Variants in MAGI2 observed in about 807,000 individuals in gnomAD.
MAGI2 encodes the protein membrane-associated guanylate kinase, WW and PDZ domain-containing protein 2.
A neutral mutation model predicts 133.3 loss-of-function variants in MAGI2; 35 were observed. The ratio of observed to expected loss-of-function variants is 0.26; its 90% confidence interval spans 0.20 to 0.35. MAGI2 has a LOEUF of 0.35. MAGI2 is among the 10% of genes least tolerant of loss of function. The pLI, the probability that MAGI2 is intolerant of heterozygous loss-of-function variation, is 1.00. For missense variants in MAGI2, 1,636 were observed against 1,863.4 expected (o/e 0.88, Z 2.25); for synonymous variants, 729 against 710.6 (o/e 1.03, Z -0.41).
intron 1 of MAGI2, among the ~76,000 whole-genome samples, chr7:79,271,092 A>G (rs531089516): frequency 2.7e-4 from 41 of 152,098 alleles, no homozygotes; most frequent in African/African-American, 9.9e-4. Context: ...TTAAAATGCT[A>G]TACAGTCTCA....
chr7:79,066,961 G>A (rs980107030), intron 1 of MAGI2, among the ~76,000 whole-genome samples: 1 of 151,990 alleles, frequency 6.6e-6, no homozygotes, highest in Admixed American at 6.6e-5. Flanking sequence ...CTGTTCCATT[G>A]GTCTATATAT....
chr7:78,067,695 T>G (rs1366363822), intron 21 of MAGI2, among the ~76,000 whole-genome samples: 1 of 152,234 alleles, frequency 6.6e-6, no homozygotes, highest in Non-Finnish European at 1.5e-5. Flanking sequence ...GAGATTTTGT[T>G]GTAGTTAGAG....
At chr7:79,436,896 A>C (rs1176682667) in intron 1 of MAGI2, among the ~76,000 whole-genome samples, 1 of 152,162 alleles carries the variant, frequency 6.6e-6, no homozygotes, top group Non-Finnish European at 1.5e-5. Context: ...ACCTGAATGC[A>C]TATGTTCACT....
intron 3 of MAGI2, among the ~76,000 whole-genome samples, chr7:78,569,714 T>C (rs996624868): frequency 6.6e-6 from 1 of 152,212 alleles, no homozygotes. Context: ...AGCATACAAT[T>C]TGACACATTT....
intron 1 of MAGI2, among the ~76,000 whole-genome samples, chr7:79,436,671 G>A (rs4730834): frequency 0.026 from 3,912 of 152,204 alleles, 117 homozygotes; most frequent in East Asian, 0.11. Flanking sequence ...AGAAAGAATG[G>A]TTACTATTAA....
intron 1 of MAGI2, among the ~76,000 whole-genome samples, chr7:79,216,660 G>C (rs1299115000): frequency 6.6e-6 from 1 of 152,022 alleles, no homozygotes; most frequent in Non-Finnish European, 1.5e-5. Context: ...CCAAACAGAT[G>C]AGCCACACCC....
intron 6 of MAGI2, among the ~76,000 whole-genome samples, chr7:78,460,728 G>T (rs1043366345): frequency 6.6e-6 from 1 of 152,186 alleles, no homozygotes; most frequent in African/African-American, 2.4e-5. Flanking sequence ...GTTAAATGGA[G>T]GTTGCTAGGT....
At chr7:78,044,709 G>GTGTGCA (rs1347019970) in intron 21 of MAGI2, among the ~76,000 whole-genome samples, 1 of 150,008 alleles carries the variant, frequency 6.7e-6, no homozygotes, top group Admixed American at 6.6e-5. Context: ...GTGTGTGCAC[G>GTGTGCA]TGTGCACACG....
At chr7:78,420,112 T>C (rs1328786688) in intron 6 of MAGI2, among the ~76,000 whole-genome samples, 2 of 152,152 alleles carry the variant, frequency 1.3e-5, no homozygotes, top group African/African-American at 4.8e-5. Context: ...TAGTCCAGGG[T>C]AGCATTGGCA....
chr7:78,567,904 A>G (rs62468647), intron 3 of MAGI2: 15,788 of 152,164 alleles, frequency 0.1, 1,042 homozygotes, highest in Non-Finnish European at 0.15. Flanking sequence ...ACTCACTCCA[A>G]TCAGGCATTT....
intron 2 of MAGI2, among the ~76,000 whole-genome samples, chr7:78,708,398 T>C (rs1175051276): frequency 6.6e-6 from 1 of 152,156 alleles, no homozygotes; most frequent in African/African-American, 2.4e-5. Context: ...AGCCATCATC[T>C]TTCAAGAATA....
At chr7:78,904,863 T>C (rs1212079560) in intron 2 of MAGI2, among the ~76,000 whole-genome samples, 1 of 152,192 alleles carries the variant, frequency 6.6e-6, no homozygotes, top group Non-Finnish European at 1.5e-5. Flanking sequence ...GGAGAAAGAA[T>C]GAACCATAAG....
intron 2 of MAGI2, among the ~76,000 whole-genome samples, chr7:78,937,729 A>T (rs1346755326): frequency 1.3e-5 from 2 of 152,126 alleles, no homozygotes. Context: ...CTCTGGATCG[A>T]AACTACCTGG....
intron 2 of MAGI2, among the ~76,000 whole-genome samples, chr7:78,669,080 C>T (rs1319234454): frequency 6.6e-6 from 1 of 152,046 alleles, no homozygotes; most frequent in Non-Finnish European, 1.5e-5. Context: ...CCGAGCAGAA[C>T]TGAAGCAAAT....
At chr7:78,331,531 T>A (rs1413788700) in intron 9 of MAGI2, among the ~76,000 whole-genome samples, 6 of 152,208 alleles carry the variant, frequency 3.9e-5, no homozygotes, top group African/African-American at 1.4e-4. Flanking sequence ...TAAATGCATT[T>A]AGTTATTACT....
At chr7:79,433,798 A>C (rs752207427) in intron 1 of MAGI2, among the ~76,000 whole-genome samples, 9 of 152,202 alleles carry the variant, frequency 5.9e-5, no homozygotes, top group Non-Finnish European at 1.3e-4. Flanking sequence ...TCACACATGA[A>C]TAAAAAAATA....
At chr7:78,240,141 G>GC (rs1258642772) in intron 10 of MAGI2, among the ~76,000 whole-genome samples, 6 of 152,110 alleles carry the variant, frequency 3.9e-5, no homozygotes, top group Admixed American at 3.9e-4. Flanking sequence ...TCAGCCTCCT[G>GC]CCCCCTGATA....
chr7:79,090,075 A>G (rs1816919607), intron 1 of MAGI2, among the ~76,000 whole-genome samples: 1 of 151,996 alleles, frequency 6.6e-6, no homozygotes, highest in African/African-American at 2.4e-5. Context: ...AATCAATTGC[A>G]TTTTCCCCTT....
At chr7:78,785,623 C>T (rs1416260021) in intron 2 of MAGI2, among the ~76,000 whole-genome samples, 1 of 152,122 alleles carries the variant, frequency 6.6e-6, no homozygotes, top group Non-Finnish European at 1.5e-5. Flanking sequence ...TTGCTTCTCT[C>T]ACGGTTATAT....
Sources: gnomAD v4.1 joint callset for allele counts (sites outside exome capture counted in the v4.1 genomes callset) on GRCh38, gnomAD v4.1.1 for gene constraint, MANE v1.5 for transcripts, NCBI Gene and HGNC (gene_info 2026-07-23, HGNC 2026-07-21) for gene names.